The following LARS2 variants were observed in gnomAD, a reference collection of about 807,000 sequenced individuals.
LARS2 encodes the protein leucyl-tRNA synthetase 2, mitochondrial, also known as leucine--tRNA ligase, mitochondrial.
LARS2 carries 81 observed loss-of-function variants against 116.6 expected under a neutral mutation model. That is an observed-to-expected ratio of 0.69 (90% CI 0.58 to 0.84). LARS2 has a LOEUF of 0.84. Among genes scored for constraint, LARS2 ranks in the 40% least tolerant of loss-of-function variants. The pLI is 0.00. For missense variants in LARS2, 968 were observed against 1,114.5 expected (o/e 0.87, Z 1.87); for synonymous variants, 396 against 407.2 (o/e 0.97, Z 0.33).
In LARS2 at chr3:45,394,672, A is replaced by T; in HGVS notation, c.219A>T (p.Lys73Asn). The stretch of plus-strand genomic sequence containing the variant: ...AACGAATAAAAGAACAGGCCTCCAA[A>T]ATTTCAGAAGCTGATGTGAGTATTC... ...WHQRIKEQAS[K>N]ISEADKSKPK... Residue 73 changes from lysine (K) to asparagine (N), a missense_variant, in exon 3 of 22, where the codon AAA becomes AAT. Lys to Asn is a moderately conservative substitution (Grantham distance 94). Coordinates refer to ENST00000645846, the MANE Select transcript of LARS2 (RefSeq NM_015340.4). 6.2e-7 allele frequency: 1 copy of T among 1,612,244 alleles called. No individual in the cohort carries two copies. Among genetic ancestry groups the T allele is most frequent in the East Asian group, 2.2e-5 (1 of 44,878 alleles).
At chr3:45,507,520 A>T (rs1700217296) in intron 15 of LARS2, among the ~76,000 whole-genome samples, 1 of 152,148 alleles carries the variant, frequency 6.6e-6, no homozygotes, top group Non-Finnish European at 1.5e-5. Flanking sequence ...TCAAGTAGCT[A>T]AAAATTTGGA....
chr3:45,544,147 G>A (rs939143139), intron 21 of LARS2, among the ~76,000 whole-genome samples: 4 of 152,182 alleles, frequency 2.6e-5, no homozygotes, highest in African/African-American at 9.7e-5. Flanking sequence ...AGCGCAGTTC[G>A]ATGTCATTCA....
intron 13 of LARS2, among the ~76,000 whole-genome samples, chr3:45,494,842 C>T (rs1353253190): frequency 7.2e-5 from 11 of 152,080 alleles, no homozygotes; most frequent in Non-Finnish European, 1.3e-4. Flanking sequence ...CTGAGGCAGG[C>T]GGATCACTTG....
chr3:45,396,144 A>G (rs1021086416), intron 3 of LARS2, among the ~76,000 whole-genome samples: 2 of 152,198 alleles, frequency 1.3e-5, no homozygotes, highest in African/African-American at 4.8e-5. Context: ...CAGTTTTTTA[A>G]AATATCAAAT....
rs1700912275 is a variant in LARS2, at chr3:45,549,091, C to T, written c.*1561C>T. On this transcript the variant is annotated 3_prime_UTR_variant, in exon 22 of 22. Coordinates refer to ENST00000645846, the MANE Select transcript of LARS2 (RefSeq NM_015340.4). The stretch of plus-strand genomic sequence containing the variant: ...CAGACTTAATACTCTGCCTGGTCCT[C>T]ATGCCCAGATATTCCAATTTAATTG... 2 of 152,254 alleles carry T rather than the reference C, an allele frequency of 1.3e-5. No individual in the cohort carries two copies. The highest frequency in any genetic ancestry group is 2.4e-5 in the African/African-American group (1 of 41,466). 9.4% of individuals were successfully genotyped at this position (152,254 alleles called of 1,614,324 possible). A position where few individuals can be genotyped will look rare whatever the true frequency, so the allele number is the denominator to read the frequency against.
chr3:45,488,174 C>T (rs1296946411), intron 11 of LARS2, among the ~76,000 whole-genome samples: 1 of 152,140 alleles, frequency 6.6e-6, no homozygotes, highest in African/African-American at 2.4e-5. Context: ...TGGCTCACAC[C>T]TGTAATCCCA....
At chr3:45,490,235 C>A (rs1023407036) in intron 12 of LARS2, among the ~76,000 whole-genome samples, 2 of 152,040 alleles carry the variant, frequency 1.3e-5, no homozygotes, top group African/African-American at 4.8e-5. Context: ...TGTAAGGAGC[C>A]CCAGTTAACC....
intron 18 of LARS2, 139 bp downstream of exon 18, chr3:45,518,211 G>GC (rs1700402502): frequency 4.8e-6 from 3 of 629,154 alleles, no homozygotes; most frequent in South Asian, 4.0e-5. Flanking sequence ...GGTCCTTCTT[G>GC]CTTTGATTGA....
chr3:45,476,761 T>G (rs946665114), intron 10 of LARS2, 134 bp downstream of exon 10: 1 of 837,554 alleles, frequency 1.2e-6, no homozygotes, highest in Non-Finnish European at 1.9e-6. Context: ...ATTTTTTATG[T>G]TTTTATTTTG....
At chr3:45,437,234 A>G (rs541854112) in intron 6 of LARS2, among the ~76,000 whole-genome samples, 1 of 152,304 alleles carries the variant, frequency 6.6e-6, no homozygotes, top group South Asian at 2.1e-4. Flanking sequence ...TTAAGAATAA[A>G]ATGCACGCCC....
rs1699864418 is a variant in LARS2 at position 45,488,885 on chromosome 3, A to C, written c.1239+73A>C. On this transcript the variant is annotated intron_variant, in intron 12 of 21. Transcript: ENST00000645846. Reference sequence around the variant, plus strand: ...TTGATAGACATTTTCCTTCAGGTGCAAATTACAACCTGTTCCTTCACTCGT... The same window carrying C: ...TTGATAGACATTTTCCTTCAGGTGCCAATTACAACCTGTTCCTTCACTCGT... 3.1e-6 allele frequency: 3 copies of C among 955,878 alleles called. No individual in the cohort carries two copies. In the African/African-American group the frequency reaches 4.8e-5, roughly 15 times the overall value. The allele number at this position is 955,878 out of a possible 1,614,324, so 59.2% of individuals were successfully genotyped here. A position where few individuals can be genotyped will look rare whatever the true frequency, so the allele number is the denominator to read the frequency against.
intron 2 of LARS2, among the ~76,000 whole-genome samples, chr3:45,393,382 C>T (rs1397731740): frequency 1.3e-5 from 2 of 152,060 alleles, no homozygotes; most frequent in Non-Finnish European, 2.9e-5. Context: ...CGACACCAAC[C>T]TGGCCAACAT....
rs1456685278 is a variant in LARS2 at position 45,402,179 on chromosome 3, GC to G, written c.363+1810del. ...ATAAAATAGGGATAAAATAGTACCT[GC>G]CCCATTGGCCTGTTAAAAGGATTCA... On this transcript the variant is annotated intron_variant, in intron 4 of 21. Transcript: ENST00000645846. Among the ~76,000 whole-genome samples the G allele has an allele frequency of 4.6e-5, 7 of 152,264 alleles. No individual in the cohort carries two copies. In the East Asian group the frequency reaches 1.4e-3, roughly 29 times the overall value.
Position 45,476,566 on chromosome 3 carries a change from A to C in LARS2, c.957A>C (p.Arg319Ser). ...ACGTGGCCATCTCGCCCAGCCACAG[A>C]CTCCTACATGGGCACAGCTCTCTGA... The part of the protein sequence containing the change: ...TSHVAISPSH[R>S]LLHGHSSLKE... The change falls in exon 10 of 22, where the codon AGA becomes AGC. Residue 319 changes from arginine (R) to serine (S), a missense_variant. Transcript: ENST00000645846. 6.2e-7 allele frequency: 1 copy of C among 1,613,940 alleles called. No homozygotes were observed. The highest frequency in any genetic ancestry group is 8.5e-7 in the Non-Finnish European group (1 of 1,179,962).
intron 8 of LARS2, among the ~76,000 whole-genome samples, chr3:45,465,475 A>C (rs959905871): frequency 6.6e-6 from 1 of 152,220 alleles, no homozygotes; most frequent in African/African-American, 2.4e-5. Flanking sequence ...AAGGGCACAG[A>C]GGCCACAGAA....
At chr3:45,428,936 G>A (rs971614404) in intron 6 of LARS2, among the ~76,000 whole-genome samples, 1 of 152,006 alleles carries the variant, frequency 6.6e-6, no homozygotes, top group Non-Finnish European at 1.5e-5. Context: ...TGACCCCAAA[G>A]TACTTCAGCA....
intron 20 of LARS2, among the ~76,000 whole-genome samples, chr3:45,540,707 A>G (rs1338988823): frequency 6.6e-6 from 1 of 152,032 alleles, no homozygotes; most frequent in Non-Finnish European, 1.5e-5. Context: ...GGCATCTCTT[A>G]TACTCATGAA....
In LARS2 at chr3:45,485,805, C is replaced by T. The variant is rs1474667118; in HGVS notation, c.1123+9C>T. On this transcript the variant is annotated intron_variant, in intron 11 of 21. Transcript: ENST00000645846. ...TCTGGATTCAAAAATAGGTAAGCAG[C>T]TATTAAAATGTAACCACAACGGTAT... is the stretch of plus-strand genomic sequence containing the variant. The T allele has an allele frequency of 6.5e-7, 1 of 1,549,888 alleles. No individual in the cohort carries two copies. The highest frequency in any genetic ancestry group is 8.9e-7 in the Non-Finnish European group (1 of 1,125,674).
At chr3:45,407,318 T>C (rs544270572) in intron 4 of LARS2, among the ~76,000 whole-genome samples, 2 of 152,354 alleles carry the variant, frequency 1.3e-5, no homozygotes, top group Non-Finnish European at 2.9e-5. Context: ...GCATGGCATT[T>C]AGTTTTCAAA....
Sources: gnomAD v4.1 joint callset for allele counts (sites outside exome capture counted in the v4.1 genomes callset) on GRCh38, gnomAD v4.1.1 for gene constraint, MANE v1.5 for transcripts, NCBI Gene and HGNC (gene_info 2026-07-23, HGNC 2026-07-21) for gene names.